The following PCSK6 variants were observed in gnomAD, a reference collection of about 807,000 sequenced individuals.
PCSK6 encodes proprotein convertase subtilisin/kexin type 6.
A neutral mutation model predicts 123.3 loss-of-function variants in PCSK6; 85 were observed. The ratio of observed to expected loss-of-function variants is 0.69; its 90% CI spans 0.58 to 0.83. The LOEUF (loss-of-function observed/expected upper bound fraction) is 0.83, where lower values mean the gene tolerates loss of function less well. PCSK6 is among the 40% of genes least tolerant of loss of function. The pLI is 0.00. For missense variants in PCSK6, 1,191 were observed against 1,282.3 expected, an observed-to-expected ratio of 0.93 and a Z score of 1.09; for synonymous variants, 508 against 516.0, an observed-to-expected ratio of 0.98 and a Z score of 0.21.
At chr15:101,383,579 T>G (rs2041971214) in intron 10 of PCSK6, among the ~76,000 whole-genome samples, 3 of 152,150 alleles carry the variant, frequency 2.0e-5, no homozygotes, top group Non-Finnish European at 4.4e-5. Flanking sequence ...GAGGCCCCAC[T>G]GTCCTATGAT....
intron 1 of PCSK6, among the ~76,000 whole-genome samples, chr15:101,484,743 C>T (rs376386506): frequency 3.3e-5 from 5 of 152,182 alleles, no homozygotes; most frequent in Non-Finnish European, 5.9e-5. Context: ...TGGACACCTA[C>T]AATTTGCCTT....
chr15:101,378,974 C>T (rs757203083), intron 11 of PCSK6, among the ~76,000 whole-genome samples: 20 of 152,348 alleles, frequency 1.3e-4, no homozygotes, highest in East Asian at 1.9e-4. Flanking sequence ...GGCCTTTCCG[C>T]GCCTTTGGGC....
chr15:101,326,102 A>C (rs1194191909), intron 16 of PCSK6, among the ~76,000 whole-genome samples: 1 of 152,252 alleles, frequency 6.6e-6, no homozygotes, highest in African/African-American at 2.4e-5. Flanking sequence ...AACATGACCC[A>C]CTTCTCTTTA....
At chr15:101,326,602 T>G in intron 15 of PCSK6, 123 bp from the exon 16 acceptor site, 3 of 927,574 alleles carry the variant, frequency 3.2e-6, no homozygotes, top group Non-Finnish European at 4.9e-6. Flanking sequence ...CAGGCCCCGC[T>G]GGGGCTGGAC....
At chr15:101,339,829 A>G (rs1480308748) in intron 13 of PCSK6, among the ~76,000 whole-genome samples, 1 of 152,062 alleles carries the variant, frequency 6.6e-6, no homozygotes, top group African/African-American at 2.4e-5. Context: ...GAGGATTGCT[A>G]GAGCCCAAGA....
intron 6 of PCSK6, among the ~76,000 whole-genome samples, chr15:101,406,723 G>C (rs1187663336): frequency 6.6e-6 from 1 of 152,142 alleles, no homozygotes; most frequent in South Asian, 2.1e-4. Context: ...GTGGTCTGCC[G>C]AGTTGTCAAG....
intron 13 of PCSK6, chr15:101,334,536 C>T (rs1219020031): frequency 6.6e-6 from 1 of 152,244 alleles, no homozygotes; most frequent in Non-Finnish European, 1.5e-5. Context: ...TGACTCTCCT[C>T]AGCTCCTTAG....
At chr15:101,332,195 C>G (rs970070956) in intron 13 of PCSK6, among the ~76,000 whole-genome samples, 164 bp from the exon 14 acceptor site, 1 of 152,236 alleles carries the variant, frequency 6.6e-6, no homozygotes, top group African/African-American at 2.4e-5. Flanking sequence ...ATTGCCCAGG[C>G]CACATGCTGC....
chr15:101,480,467 G>A (rs1380146409), intron 1 of PCSK6, among the ~76,000 whole-genome samples: 1 of 152,248 alleles, frequency 6.6e-6, no homozygotes, highest in African/African-American at 2.4e-5. Flanking sequence ...TTGATGGGCT[G>A]GTTGCCATGG....
chr15:101,376,336 C>T (rs1260789265), intron 11 of PCSK6, among the ~76,000 whole-genome samples: 2 of 152,160 alleles, frequency 1.3e-5, no homozygotes, highest in African/African-American at 4.8e-5. Flanking sequence ...TGTCAAACAG[C>T]ATGAGAAAGC....
At chr15:101,370,556 C>G (rs1463304083) in intron 11 of PCSK6, 33 bp from the exon 12 acceptor site, 2 of 1,404,712 alleles carry the variant, frequency 1.4e-6, no homozygotes, top group Non-Finnish European at 9.3e-7. Flanking sequence ...GCACTTGGCA[C>G]CGGAAGCATG....
chr15:101,354,763 A>G lies in PCSK6; in HGVS notation c.1858+11433T>C, dbSNP rs183799145. ...CCCAAGAATCCCCAACCTTTTCTCAATCTGGTTTCGCCCACCCTCTTCCTA... is the reference window on the plus strand; with the variant it reads ...CCCAAGAATCCCCAACCTTTTCTCAGTCTGGTTTCGCCCACCCTCTTCCTA... On this transcript the variant is annotated intron_variant, in intron 13 of 21. Transcript: ENST00000611716. Among the ~76,000 whole-genome samples, 369 of 152,296 alleles carry G rather than the reference A, an allele frequency of 2.4e-3. 2 individuals are homozygous for G. Among genetic ancestry groups the G allele is most frequent in the Admixed American group, 4.8e-3 (74 of 15,304 alleles).
At position 101,380,308 on chromosome 15, in the gene PCSK6, T is replaced by A. The variant is rs562212898; in HGVS notation, c.1532+1784A>T. Among the ~76,000 whole-genome samples the A allele has an allele frequency of 6.5e-4, 99 of 152,332 alleles. No homozygotes were observed. The South Asian group carries it at 0.011, about 16-fold the overall frequency. On this transcript the variant is annotated intron_variant, in intron 11 of 21. Transcript: ENST00000611716. ...AAAACGATTTCTGGCAGGAGAAGAA[T>A]GCTTCATTCAGGAGCCGCCCTGACG...
In PCSK6 at chr15:101,314,430, G is replaced by T. The variant is rs1365140933; in HGVS notation, c.2570-925C>A. Reference sequence around the variant, plus strand: ...ACAGGCAGGGAGGAGATTATCTCAGGGGCTCTATGATAATCACAATGCCCA... The same window carrying T: ...ACAGGCAGGGAGGAGATTATCTCAGTGGCTCTATGATAATCACAATGCCCA... On this transcript the variant is annotated intron_variant, in intron 19 of 21. Coordinates refer to ENST00000611716, the MANE Select transcript of PCSK6 (RefSeq NM_002570.5). Among the ~76,000 whole-genome samples the T allele has an allele frequency of 2.6e-5, 4 of 152,230 alleles. No individual in the cohort carries two copies. In the East Asian group the frequency reaches 7.7e-4, roughly 29 times the overall value.
chr15:101,380,641 G>A (rs2041889087), intron 11 of PCSK6, among the ~76,000 whole-genome samples: 1 of 152,186 alleles, frequency 6.6e-6, no homozygotes, highest in South Asian at 2.1e-4. Flanking sequence ...GGGAGAAAAA[G>A]GTGATTTTTC....
intron 13 of PCSK6, 56 bp from the exon 14 acceptor site, chr15:101,332,087 A>G: frequency 6.7e-7 from 1 of 1,492,620 alleles, no homozygotes; most frequent in South Asian, 1.3e-5. Context: ...TCTGTCACTC[A>G]CAGAAATAAG....
At chr15:101,479,089 C>T (rs1322603036) in intron 1 of PCSK6, among the ~76,000 whole-genome samples, 1 of 152,212 alleles carries the variant, frequency 6.6e-6, no homozygotes, top group Non-Finnish European at 1.5e-5. Context: ...CTATGAGACG[C>T]TGTGGTCCAG....
chr15:101,383,493 A>AGC (rs1268262228), intron 10 of PCSK6, among the ~76,000 whole-genome samples: 9 of 151,784 alleles, frequency 5.9e-5, no homozygotes, highest in Non-Finnish European at 8.8e-5. Flanking sequence ...AAGGCCGCCA[A>AGC]CAGCCAGCCT....
In PCSK6 at chr15:101,400,337, T is replaced by C. The variant is rs1442935178; in HGVS notation, c.824-1761A>G. ...TAGTGGCTGCAGCTCCCTGCCATCA[T>C]GCACACACCCCTGGCCCAGGCAGCT... On this transcript the variant is annotated intron_variant, in intron 6 of 21. Transcript: ENST00000611716. Among the ~76,000 whole-genome samples the C allele has an allele frequency of 2.0e-5, 3 of 152,348 alleles. No individual in the cohort carries two copies. The East Asian group carries it at 5.8e-4, about 29-fold the overall frequency.
Sources: allele counts gnomAD v4.1 joint callset (sites outside exome capture counted in the v4.1 genomes callset), GRCh38; gene constraint gnomAD v4.1.1; transcripts MANE v1.5; gene names NCBI Gene and HGNC (gene_info 2026-07-23, HGNC 2026-07-21).